The following LINC00237 variants were observed in gnomAD, a reference collection of about 807,000 sequenced individuals.
LINC00237 encodes long intergenic non-protein coding RNA 237.
chr20:21,105,556 C>T (rs1448330167), intron 1 of LINC00237, among the ~76,000 whole-genome samples: 3 of 152,308 alleles, frequency 2.0e-5, no homozygotes, highest in African/African-American at 7.2e-5. Flanking sequence ...GTGAGCGCCG[C>T]CGGCCCCCTC....
chr20:21,097,037 T>C (rs948571148), intron 1 of LINC00237, among the ~76,000 whole-genome samples: 4 of 152,228 alleles, frequency 2.6e-5, no homozygotes, highest in African/African-American at 9.6e-5. Context: ...ATTGGAATCC[T>C]AGCCAGGAGA....
At chr20:21,099,037 T>A (rs1008103324) in intron 1 of LINC00237, among the ~76,000 whole-genome samples, 10 of 152,234 alleles carry the variant, frequency 6.6e-5, no homozygotes, top group African/African-American at 2.2e-4. Flanking sequence ...TTCAGGCCTG[T>A]TTTAACAACA....
chr20:21,089,114 G>C (rs972989664), intron 2 of LINC00237, among the ~76,000 whole-genome samples: 9 of 151,368 alleles, frequency 5.9e-5, no homozygotes, highest in Non-Finnish European at 1.3e-4. Flanking sequence ...ATGTGTGTAA[G>C]ATTTAACCTT....
chr20:21,086,379 C>T (rs2030693213), intron 3 of LINC00237, among the ~76,000 whole-genome samples: 1 of 151,390 alleles, frequency 6.6e-6, no homozygotes, highest in African/African-American at 2.4e-5. Flanking sequence ...TTTGATATTC[C>T]ACTTCTCCAA....
At chr20:21,097,292 T>C (rs2030871450) in intron 1 of LINC00237, among the ~76,000 whole-genome samples, 1 of 152,174 alleles carries the variant, frequency 6.6e-6, no homozygotes, top group Non-Finnish European at 1.5e-5. Flanking sequence ...GCGGATCCTA[T>C]TCATAACTTT....
At chr20:21,104,973 G>A (rs142914689) in intron 1 of LINC00237, among the ~76,000 whole-genome samples, 1 of 152,194 alleles carries the variant, frequency 6.6e-6, no homozygotes, top group Non-Finnish European at 1.5e-5. Flanking sequence ...AGCTGGGAGA[G>A]AAATGGTCAT....
intron 1 of LINC00237, among the ~76,000 whole-genome samples, chr20:21,100,116 A>C (rs962433306): frequency 6.6e-6 from 1 of 152,182 alleles, no homozygotes; most frequent in Admixed American, 6.5e-5. Context: ...TAAGAACTCG[A>C]AAAAGGAAAT....
intron 2 of LINC00237, among the ~76,000 whole-genome samples, chr20:21,092,567 C>G (rs953927097): frequency 9.2e-5 from 14 of 152,156 alleles, no homozygotes; most frequent in Admixed American, 6.6e-5. Context: ...AAAGATAATT[C>G]CTCTCTGTTA....
intron 2 of LINC00237, among the ~76,000 whole-genome samples, chr20:21,092,081 G>C (rs557712095): frequency 6.6e-6 from 1 of 152,240 alleles, no homozygotes; most frequent in South Asian, 2.1e-4. Flanking sequence ...CCTCGTCAGG[G>C]TGCTTCAACT....
intron 2 of LINC00237, among the ~76,000 whole-genome samples, chr20:21,089,486 C>T (rs1303331626): frequency 6.6e-6 from 1 of 152,042 alleles, no homozygotes; most frequent in Non-Finnish European, 1.5e-5. Context: ...TGAATCACCC[C>T]GGGCCTGCCA....
intron 1 of LINC00237, among the ~76,000 whole-genome samples, chr20:21,098,119 A>G (rs1171458987): frequency 2.6e-5 from 4 of 152,250 alleles, no homozygotes; most frequent in Non-Finnish European, 5.9e-5. Context: ...AATGAGCAAC[A>G]CCAGTGGCTG....
chr20:21,104,428 C>T (rs1196861180), intron 1 of LINC00237, among the ~76,000 whole-genome samples: 1 of 152,266 alleles, frequency 6.6e-6, no homozygotes, highest in Non-Finnish European at 1.5e-5. Context: ...GCTGCAGAGG[C>T]GGCCGCAAGC....
chr20:21,093,154 C>A (rs2030813790), intron 2 of LINC00237: 1 of 152,152 alleles, frequency 6.6e-6, no homozygotes, highest in East Asian at 1.9e-4. Context: ...CAGAAAGAGT[C>A]GCTAGTTGTG....
At chr20:21,105,925 C>A (rs181082118) in intron 1 of LINC00237, among the ~76,000 whole-genome samples, 2,258 of 152,260 alleles carry the variant, frequency 0.015, 38 homozygotes, top group Middle Eastern at 0.034. Flanking sequence ...CACCTCGGCC[C>A]GGCCTGCGGG....
At chr20:21,103,783 G>C (rs1213830110) in intron 1 of LINC00237, among the ~76,000 whole-genome samples, 1 of 152,172 alleles carries the variant, frequency 6.6e-6, no homozygotes, top group Non-Finnish European at 1.5e-5. Flanking sequence ...CTGGCACGTC[G>C]AGCGAACAAT....
chr20:21,089,664 T>C (rs997815098), intron 2 of LINC00237: 2 of 152,216 alleles, frequency 1.3e-5, no homozygotes, highest in African/African-American at 4.8e-5. Context: ...GTCATTCTTT[T>C]TGCATACAGC....
At chr20:21,098,864 A>G (rs1411029195) in intron 1 of LINC00237, among the ~76,000 whole-genome samples, 1 of 152,256 alleles carries the variant, frequency 6.6e-6, no homozygotes, top group African/African-American at 2.4e-5. Context: ...TGCAGGTTGC[A>G]CGAATTAGAG....
chr20:21,105,791 G>T (rs906560532), intron 1 of LINC00237, among the ~76,000 whole-genome samples: 1 of 152,150 alleles, frequency 6.6e-6, no homozygotes, highest in Non-Finnish European at 1.5e-5. Context: ...GCAGCTTCCG[G>T]CTCTCGCAGG....
rs188220726 is a variant in LINC00237 at position 21,092,188 on chromosome 20, C to G, written n.472+1281G>C. 4.2e-4 allele frequency among the ~76,000 whole-genome samples: 64 copies of G among 152,200 alleles called. 3 individuals are homozygous for G. In the East Asian group the frequency reaches 0.012, roughly 28 times the overall value. On this transcript the variant is annotated intron_variant and non_coding_transcript_variant, in intron 2 of 3. Coordinates refer to ENST00000691244, the Ensembl canonical transcript of LINC00237. Reference sequence around the variant, plus strand: ...TGTACTATTATCAACCAATAAATACCCTTTGGAAGAGAAAGAGGTGATTGG... The same window carrying G: ...TGTACTATTATCAACCAATAAATACGCTTTGGAAGAGAAAGAGGTGATTGG...
Sources: gnomAD v4.1 joint callset for allele counts (sites outside exome capture counted in the v4.1 genomes callset) on GRCh38, gnomAD v4.1.1 for gene constraint, MANE v1.5 for transcripts, NCBI Gene and HGNC (gene_info 2026-07-23, HGNC 2026-07-21) for gene names.